BRAP: variants seen among roughly 807,000 people sequenced by gnomAD.
BRAP encodes the protein BRCA1-associated protein.
A neutral mutation model predicts 73.4 loss-of-function variants in BRAP; 42 were observed. That is an observed-to-expected ratio of 0.57 (90% CI 0.45 to 0.74). The LOEUF is 0.74. BRAP is among the 30% of genes least tolerant of loss of function. The pLI is 0.00. For synonymous variants in BRAP, 255 were observed against 267.4 expected (o/e 0.95, Z 0.45); for missense variants, 593 against 751.4 (o/e 0.79, Z 2.46).
At chr12:111,685,509 G>T in intron 1 of BRAP, 1 of 1,252,506 alleles carries the variant, frequency 8.0e-7, no homozygotes, top group Non-Finnish European at 1.0e-6. Flanking sequence ...AGGGAGGGAG[G>T]TTCGGGGCAG....
At chr12:111,658,682 G>C in intron 9 of BRAP, 54 bp downstream of exon 9, 1 of 1,299,414 alleles carries the variant, frequency 7.7e-7, no homozygotes, top group South Asian at 1.3e-5. Context: ...TTTCAAATTA[G>C]AATAGTAAAG....
At chr12:111,653,006 G>A (rs1009262941) in intron 10 of BRAP, among the ~76,000 whole-genome samples, 4 of 152,244 alleles carry the variant, frequency 2.6e-5, no homozygotes, top group Non-Finnish European at 1.5e-5. Flanking sequence ...CACTGTGCCC[G>A]GCCAACCCCC....
chr12:111,676,030 T>C (rs920760716), intron 4 of BRAP, among the ~76,000 whole-genome samples: 3 of 150,518 alleles, frequency 2.0e-5, no homozygotes, highest in Non-Finnish European at 3.0e-5. Context: ...ACACCCCCCC[T>C]TTTTTTTTGA....
At chr12:111,682,736 A>G (rs1409856512) in intron 2 of BRAP, among the ~76,000 whole-genome samples, 1 of 151,844 alleles carries the variant, frequency 6.6e-6, no homozygotes, top group Non-Finnish European at 1.5e-5. Flanking sequence ...ACATGGAGAA[A>G]CCTTGTCTCT....
intron 10 of BRAP, among the ~76,000 whole-genome samples, chr12:111,651,230 A>AT (rs1566111190): frequency 1.5e-3 from 224 of 150,892 alleles, no homozygotes; most frequent in African/African-American, 5.4e-3. Context: ...TAGCTTTAAT[A>AT]ATAATAATAA....
In BRAP at chr12:111,644,299, C is replaced by T. The variant is rs962768307; in HGVS notation, c.1679G>A (p.Gly560Glu). 3 of 1,614,020 alleles carry T rather than the reference C, an allele frequency of 1.9e-6. No individual in the cohort carries two copies. The African/African-American group carries it at 4.0e-5, about 22-fold the overall frequency. ...CGAGGCCATGGCGATGTTGATCTGT[C>T]CCTCCTGGATTTCCTGCCGGGTCTC... ...PAETRQEIQE[G>E]QINIAMASAS... Residue 560 changes from glycine (G) to glutamate (E), a missense_variant, in exon 12 of 12, where the codon GGA (glycine) becomes GAA (glutamate). By Grantham distance (98) the Gly-to-Glu change is moderately conservative. This residue lies in a region of BRAP where 79 missense variants were observed against 65.3 expected (regional missense o/e 1.21). Transcript: ENST00000419234.
chr12:111,656,363 T>C (rs114802594), intron 9 of BRAP, among the ~76,000 whole-genome samples: 115 of 152,310 alleles, frequency 7.6e-4, no homozygotes, highest in African/African-American at 2.6e-3. Context: ...AGAGAACTAC[T>C]TGACCAAGAC....
intron 4 of BRAP, among the ~76,000 whole-genome samples, chr12:111,674,184 G>A (rs1763600825): frequency 6.6e-6 from 1 of 152,046 alleles, no homozygotes; most frequent in African/African-American, 2.4e-5. Flanking sequence ...TAAGCTTCTC[G>A]ATAGCTTTTA....
At chr12:111,681,513 A>G in intron 3 of BRAP, 124 bp downstream of exon 3, 1 of 744,536 alleles carries the variant, frequency 1.3e-6, no homozygotes, top group Non-Finnish European at 2.1e-6. Flanking sequence ...TACAACAGAC[A>G]AAAGTATTAT....
intron 6 of BRAP, among the ~76,000 whole-genome samples, chr12:111,663,076 G>GA (rs1034707309): frequency 1.3e-5 from 2 of 150,904 alleles, no homozygotes; most frequent in Admixed American, 6.6e-5. Context: ...ATCTTGAAAA[G>GA]AAAAAAAAAT....
intron 2 of BRAP, 84 bp from the exon 3 acceptor site, chr12:111,681,919 A>AG: frequency 7.7e-7 from 1 of 1,300,052 alleles, no homozygotes; most frequent in South Asian, 1.5e-5. Context: ...TTCAAGTCAG[A>AG]GGAATAAACT....
At chr12:111,660,815 TAAAATATACAAAATA>T (rs2135908294) in intron 6 of BRAP, 140 bp from the exon 7 acceptor site, 2 of 551,552 alleles carry the variant, frequency 3.6e-6, no homozygotes, top group African/African-American at 2.0e-5. Context: ...TCACTTAAAA[TAAAATATACAAAATA>T]AAAATATACA....
At chr12:111,682,431 G>A (rs1887637348) in intron 2 of BRAP, among the ~76,000 whole-genome samples, 1 of 148,522 alleles carries the variant, frequency 6.7e-6, no homozygotes, top group South Asian at 2.1e-4. Flanking sequence ...GAAACCAGGA[G>A]GTGGAGTTGC....
chr12:111,649,815 T>C (rs891045408), intron 11 of BRAP, 124 bp downstream of exon 11: 3 of 637,520 alleles, frequency 4.7e-6, no homozygotes, highest in Non-Finnish European at 7.9e-6. Context: ...GCCTGTTCCA[T>C]ATATAGGGAG....
At chr12:111,678,940 C>A (rs551070195) in intron 4 of BRAP, among the ~76,000 whole-genome samples, 28 of 150,454 alleles carry the variant, frequency 1.9e-4, no homozygotes, top group Middle Eastern at 3.4e-3. Context: ...ACAGCAAGAT[C>A]TCATCTCTAC....
In BRAP at chr12:111,643,889, C is replaced by G. The variant is rs1425283827; in HGVS notation, c.*310G>C. 1 of 315,504 alleles carries G rather than the reference C, an allele frequency of 3.2e-6. No homozygotes were observed. Among genetic ancestry groups the G allele is most frequent in the Non-Finnish European group, 5.9e-6 (1 of 170,898 alleles). The allele number at this position is 315,504 out of a possible 1,614,324, so 19.5% of individuals were successfully genotyped here. A position where few individuals can be genotyped will look rare whatever the true frequency, so the allele number is the denominator to read the frequency against. Reference sequence around the variant, plus strand: ...CAGAACTGAATGTCAAATACGCCAACTCCATAAATACAATGGAAAAATGCA... The same window carrying G: ...CAGAACTGAATGTCAAATACGCCAAGTCCATAAATACAATGGAAAAATGCA... On this transcript the variant is annotated 3_prime_UTR_variant, in exon 12 of 12. Coordinates refer to ENST00000419234, the MANE Select transcript of BRAP (RefSeq NM_006768.5).
chr12:111,677,850 G>A (rs1053985471), intron 4 of BRAP, among the ~76,000 whole-genome samples: 3 of 152,074 alleles, frequency 2.0e-5, no homozygotes, highest in Non-Finnish European at 2.9e-5. Context: ...TAAATGATGG[G>A]GTACTTTGTA....
chr12:111,685,737 G>T lies in BRAP; in HGVS notation c.56C>A (p.Pro19His). ...RLELAEHSPVPAGFGFSAAAG... is the reference protein window; with the variant it reads ...RLELAEHSPVHAGFGFSAAAG... Reference sequence around the variant, plus strand: ...CGCGGCGCTGAAGCCGAAGCCGGCGGGGACAGGCGAGTGTTCCGCGAGCTC... The same window carrying T: ...CGCGGCGCTGAAGCCGAAGCCGGCGTGGACAGGCGAGTGTTCCGCGAGCTC... The change falls in exon 1 of 12, where the codon CCC (proline) becomes CAC (histidine). Residue 19 changes from proline (P) to histidine (H), a missense_variant. By Grantham distance (77) the Pro-to-His change is moderately conservative (BLOSUM62 -2). Coordinates refer to ENST00000419234, the MANE Select transcript of BRAP (RefSeq NM_006768.5). 2 of 1,609,740 alleles carry T rather than the reference G, an allele frequency of 1.2e-6. No homozygotes were observed. The highest frequency in any genetic ancestry group is 1.7e-6 in the Non-Finnish European group (2 of 1,178,876).
intron 10 of BRAP, among the ~76,000 whole-genome samples, chr12:111,652,870 T>C (rs1436092404): frequency 6.6e-6 from 1 of 152,030 alleles, no homozygotes; most frequent in Non-Finnish European, 1.5e-5. Context: ...CCACCAAGCC[T>C]GGCTAATTTT....
Sources: allele counts gnomAD v4.1 joint callset (sites outside exome capture counted in the v4.1 genomes callset), GRCh38; gene constraint gnomAD v4.1.1; regional missense constraint gnomAD v4.1.1; transcripts MANE v1.5; gene names NCBI Gene and HGNC (gene_info 2026-07-23, HGNC 2026-07-21).